Variants in FHIT observed in about 807,000 individuals in gnomAD.
The protein encoded by FHIT is fragile histidine triad diadenosine triphosphatase.
A neutral mutation model predicts 17.9 loss-of-function variants in FHIT; 19 were observed. The observed-to-expected ratio is 1.06, with a 90% CI of 0.74 to 1.56. The LOEUF (loss-of-function observed/expected upper bound fraction) is 1.56. FHIT is among the 40% of genes most tolerant of loss of function. FHIT has a pLI of 0.00. For missense variants in FHIT, 248 were observed against 189.2 expected (o/e 1.31, Z -1.82); for synonymous variants, 81 against 69.7 (o/e 1.16, Z -0.81).
At chr3:60,710,489 G>A (rs547584210) in intron 4 of FHIT, among the ~76,000 whole-genome samples, 10 of 152,354 alleles carry the variant, frequency 6.6e-5, no homozygotes, top group South Asian at 2.1e-4. Context: ...CTCGGGAAGC[G>A]CAAGGGATCA....
chr3:60,060,161 C>T (rs1485348095), intron 5 of FHIT, among the ~76,000 whole-genome samples: 5 of 151,074 alleles, frequency 3.3e-5, no homozygotes, highest in African/African-American at 1.2e-4. Context: ...AAATAAAGAA[C>T]ATAATGGAAG....
At chr3:59,923,023 G>A (rs753109502) in intron 7 of FHIT, among the ~76,000 whole-genome samples, 1 of 151,964 alleles carries the variant, frequency 6.6e-6, no homozygotes, top group African/African-American at 2.4e-5. Context: ...ACTTTGGGAG[G>A]CCGAGGTGGG....
intron 4 of FHIT, among the ~76,000 whole-genome samples, chr3:60,716,252 TAC>T (rs1444776317): frequency 6.6e-6 from 1 of 151,362 alleles, no homozygotes; most frequent in East Asian, 1.9e-4. Flanking sequence ...CAATAAAACT[TAC>T]ACACACACAC....
At chr3:60,543,334 T>C (rs2036246668) in intron 4 of FHIT, among the ~76,000 whole-genome samples, 1 of 152,208 alleles carries the variant, frequency 6.6e-6, no homozygotes, top group South Asian at 2.1e-4. Context: ...TCTGTATTTA[T>C]TATCCCATAT....
intron 8 of FHIT, among the ~76,000 whole-genome samples, chr3:59,800,198 G>A (rs1699939250): frequency 6.6e-6 from 1 of 152,174 alleles, no homozygotes; most frequent in Non-Finnish European, 1.5e-5. Flanking sequence ...AAAGCACTGG[G>A]TTATAATGCC....
At chr3:60,966,868 A>G (rs1709768187) in intron 3 of FHIT, among the ~76,000 whole-genome samples, 1 of 152,196 alleles carries the variant, frequency 6.6e-6, no homozygotes, top group African/African-American at 2.4e-5. Flanking sequence ...ATAAAGTCCT[A>G]AGGTGCAGTA....
intron 4 of FHIT, among the ~76,000 whole-genome samples, chr3:60,705,741 C>T (rs1386236303): frequency 1.3e-5 from 2 of 152,108 alleles, no homozygotes; most frequent in Admixed American, 6.5e-5. Flanking sequence ...AATTACTGAA[C>T]GGAGTCTAAA....
intron 8 of FHIT, among the ~76,000 whole-genome samples, chr3:59,855,257 A>C (rs982553127): frequency 2.6e-5 from 4 of 152,208 alleles, no homozygotes; most frequent in African/African-American, 9.7e-5. Context: ...CATGAATGCC[A>C]CATATAAACC....
chr3:60,783,990 T>C (rs1279501372), intron 4 of FHIT, among the ~76,000 whole-genome samples: 2 of 152,222 alleles, frequency 1.3e-5, no homozygotes, highest in Non-Finnish European at 1.5e-5. Flanking sequence ...AACAGACATA[T>C]CACCCCTGGC....
chr3:60,673,146 A>AT (rs1332988198), intron 4 of FHIT, among the ~76,000 whole-genome samples: 1 of 152,044 alleles, frequency 6.6e-6, no homozygotes, highest in East Asian at 1.9e-4. Context: ...ACGGTTTAAA[A>AT]ATATATATAT....
intron 5 of FHIT, among the ~76,000 whole-genome samples, chr3:60,491,621 C>T (rs1490444190): frequency 1.3e-5 from 2 of 152,166 alleles, no homozygotes; most frequent in Admixed American, 1.3e-4. Flanking sequence ...TCCTTTATAT[C>T]ACAAGTTATT....
chr3:60,231,002 G>A (rs1478924205), intron 5 of FHIT, among the ~76,000 whole-genome samples: 1 of 152,140 alleles, frequency 6.6e-6, no homozygotes, highest in Non-Finnish European at 1.5e-5. Context: ...CACCACTCCT[G>A]GCCTTAAAAT....
chr3:59,754,501 C>T (rs1176604955), intron 8 of FHIT, among the ~76,000 whole-genome samples: 1 of 142,726 alleles, frequency 7.0e-6, no homozygotes, highest in Non-Finnish European at 1.5e-5. Context: ...ATAAATCCAT[C>T]TTATCTTATA....
At chr3:60,176,752 T>A (rs1052999137) in intron 5 of FHIT, among the ~76,000 whole-genome samples, 8 of 152,186 alleles carry the variant, frequency 5.3e-5, no homozygotes, top group Non-Finnish European at 1.0e-4. Flanking sequence ...CAGAGAGATT[T>A]AGCACGAGGA....
intron 5 of FHIT, among the ~76,000 whole-genome samples, chr3:60,415,909 T>C (rs1702230345): frequency 1.4e-5 from 1 of 70,336 alleles, no homozygotes; most frequent in Non-Finnish European, 3.4e-5. Context: ...AATATAATTA[T>C]ATATAACATA....
At chr3:59,841,538 C>T (rs1701533759) in intron 8 of FHIT, among the ~76,000 whole-genome samples, 2 of 152,178 alleles carry the variant, frequency 1.3e-5, no homozygotes, top group African/African-American at 4.8e-5. Flanking sequence ...TCCCCACTGG[C>T]TTGGGTGAAG....
At chr3:61,195,863 C>T (rs1316335034) in intron 2 of FHIT, among the ~76,000 whole-genome samples, 1 of 152,088 alleles carries the variant, frequency 6.6e-6, no homozygotes, top group Non-Finnish European at 1.5e-5. Context: ...GCTATTACTA[C>T]CTACCTTATA....
intron 5 of FHIT, among the ~76,000 whole-genome samples, chr3:60,374,462 C>G (rs775686773): frequency 6.6e-6 from 1 of 151,510 alleles, no homozygotes; most frequent in African/African-American, 2.4e-5. Context: ...TTTAGGGAAG[C>G]ATATCACTTG....
At chr3:60,268,194 T>C (rs1367428877) in intron 5 of FHIT, among the ~76,000 whole-genome samples, 1 of 152,230 alleles carries the variant, frequency 6.6e-6, no homozygotes, top group African/African-American at 2.4e-5. Context: ...AGTCTGAACT[T>C]TTGAGTTTTT....
Sources: allele counts gnomAD v4.1 joint callset (sites outside exome capture counted in the v4.1 genomes callset), GRCh38; gene constraint gnomAD v4.1.1; transcripts MANE v1.5; gene names NCBI Gene and HGNC (gene_info 2026-07-23, HGNC 2026-07-21).